The following PALM2AKAP2 variants were observed in gnomAD, a reference collection of about 807,000 sequenced individuals.
PALM2AKAP2 encodes PALM2 and AKAP2 fusion.
A neutral mutation model predicts 71.5 loss-of-function variants in PALM2AKAP2; 37 were observed. That is an observed-to-expected ratio of 0.52 (90% confidence interval 0.40 to 0.68). The LOEUF is 0.68. PALM2AKAP2 is among the 30% of genes least tolerant of loss of function. The pLI, the probability that PALM2AKAP2 is intolerant of heterozygous loss-of-function variation, is 0.00. For missense variants in PALM2AKAP2, 1,224 were observed against 1,191.8 expected (o/e 1.03, Z -0.40); for synonymous variants, 468 against 478.8 (o/e 0.98, Z 0.29).
intron 3 of PALM2AKAP2, among the ~76,000 whole-genome samples, chr9:109,910,753 G>A (rs569001841): frequency 1.3e-5 from 2 of 152,070 alleles, no homozygotes; most frequent in African/African-American, 2.4e-5. Context: ...AGGGCAGAGG[G>A]ACTGAGGCTG....
chr9:109,942,832 C>A (rs139477472), intron 6 of PALM2AKAP2: 1 of 1,613,970 alleles, frequency 6.2e-7, no homozygotes, highest in Admixed American at 1.7e-5. Context: ...GTATGAGGTG[C>A]GCTCAGGAGG....
intron 1 of PALM2AKAP2, among the ~76,000 whole-genome samples, chr9:109,793,046 C>A (rs1411851605): frequency 1.3e-5 from 2 of 152,176 alleles, no homozygotes; most frequent in Non-Finnish European, 2.9e-5. Context: ...TACACTTAAT[C>A]TTAGCCAAAG....
At chr9:109,906,046 A>C (rs16914602) in intron 3 of PALM2AKAP2, among the ~76,000 whole-genome samples, 1,548 of 152,294 alleles carry the variant, frequency 0.01, 31 homozygotes, top group African/African-American at 0.035. Context: ...TTCCTCAAGA[A>C]GAGGTGCCCC....
At chr9:109,877,325 A>G (rs1431541616) in intron 2 of PALM2AKAP2, among the ~76,000 whole-genome samples, 1 of 152,156 alleles carries the variant, frequency 6.6e-6, no homozygotes, top group Non-Finnish European at 1.5e-5. Flanking sequence ...GAATTGGGCT[A>G]CAATTCCATT....
intron 1 of PALM2AKAP2, among the ~76,000 whole-genome samples, chr9:110,079,570 A>G (rs1834397379): frequency 6.6e-6 from 1 of 152,172 alleles, no homozygotes; most frequent in Admixed American, 6.5e-5. Flanking sequence ...CACAAGGAAT[A>G]GTGTGGAAAA....
chr9:110,129,082 G>A (rs561253513), intron 1 of PALM2AKAP2, among the ~76,000 whole-genome samples: 3 of 152,304 alleles, frequency 2.0e-5, no homozygotes, highest in African/African-American at 7.2e-5. Flanking sequence ...AGTGGCCAGA[G>A]GAAACAGAAC....
chr9:110,139,921 C>G (rs1835985318), intron 2 of PALM2AKAP2, among the ~76,000 whole-genome samples: 2 of 152,192 alleles, frequency 1.3e-5, no homozygotes, highest in Non-Finnish European at 2.9e-5. Context: ...TGTGTTCTCA[C>G]TGTATCCAAA....
intron 3 of PALM2AKAP2, among the ~76,000 whole-genome samples, chr9:109,909,201 T>C (rs1407453068): frequency 2.6e-5 from 4 of 152,112 alleles, no homozygotes; most frequent in Non-Finnish European, 5.9e-5. Context: ...GATGAAATTG[T>C]ATATTTGGGG....
At chr9:109,831,800 A>G (rs1828307690) in intron 1 of PALM2AKAP2, among the ~76,000 whole-genome samples, 1 of 152,310 alleles carries the variant, frequency 6.6e-6, no homozygotes, top group East Asian at 1.9e-4. Flanking sequence ...ATGGAACTCT[A>G]TCTTTCTGAT....
chr9:109,881,158 A>T (rs562562250), intron 3 of PALM2AKAP2, among the ~76,000 whole-genome samples: 10 of 152,250 alleles, frequency 6.6e-5, no homozygotes, highest in Admixed American at 6.5e-4. Flanking sequence ...TTCCTGTGTT[A>T]GTTTGGTAAG....
At chr9:110,091,282 A>AT (rs1394886235) in intron 1 of PALM2AKAP2, among the ~76,000 whole-genome samples, 5 of 151,968 alleles carry the variant, frequency 3.3e-5, no homozygotes, top group Admixed American at 6.6e-5. Flanking sequence ...GTCAATAAAG[A>AT]TTTTTTTAAA....
intron 1 of PALM2AKAP2, among the ~76,000 whole-genome samples, chr9:109,695,290 G>C (rs559733097): frequency 6.6e-6 from 1 of 152,304 alleles, no homozygotes; most frequent in Non-Finnish European, 1.5e-5. Flanking sequence ...TTCTATAACT[G>C]ATTTCGTTTC....
intron 1 of PALM2AKAP2, among the ~76,000 whole-genome samples, chr9:109,772,581 T>C (rs1829285493): frequency 6.6e-6 from 1 of 152,224 alleles, no homozygotes; most frequent in Admixed American, 6.5e-5. Context: ...TCTGCGTGTA[T>C]TTAAGCTAAT....
chr9:110,105,826 G>T (rs1835106286), intron 1 of PALM2AKAP2, among the ~76,000 whole-genome samples: 1 of 152,122 alleles, frequency 6.6e-6, no homozygotes, highest in Non-Finnish European at 1.5e-5. Context: ...AGCTCCCTCA[G>T]CTAGTTAATT....
In PALM2AKAP2 at chr9:109,649,317, A is replaced by C. The variant is rs1827194560; in HGVS notation, c.5+8451A>C. ...TTACCCATTGCTCTCCATAACTATT[A>C]ATTCTGAATTTTTCTCATTTTTTTC... On this transcript the variant is annotated intron_variant, in intron 1 of 6. Transcript: ENST00000374531. 1.3e-5 allele frequency among the ~76,000 whole-genome samples: 2 copies of C among 152,014 alleles called. 1 individual carries two copies.
intron 1 of PALM2AKAP2, among the ~76,000 whole-genome samples, chr9:109,746,084 A>G (rs1238170180): frequency 6.6e-6 from 1 of 152,180 alleles, no homozygotes; most frequent in African/African-American, 2.4e-5. Flanking sequence ...CCCGGGAGGA[A>G]CACTTCAGAC....
chr9:110,150,867 A>C (rs1786976793), intron 2 of PALM2AKAP2, among the ~76,000 whole-genome samples: 1 of 152,188 alleles, frequency 6.6e-6, no homozygotes. Flanking sequence ...TTTTTCTCTT[A>C]ATATAGTTTG....
At chr9:109,841,796 G>T (rs1828694142) in intron 1 of PALM2AKAP2, among the ~76,000 whole-genome samples, 1 of 45,004 alleles carries the variant, frequency 2.2e-5, no homozygotes, top group African/African-American at 1.0e-4. Context: ...GGGTGGAAGG[G>T]AGGGTGGAGG....
At chr9:109,969,113 C>CACACACACACACACACACACA (rs56263304) in intron 6 of PALM2AKAP2, among the ~76,000 whole-genome samples, 1 of 151,702 alleles carries the variant, frequency 6.6e-6, no homozygotes, top group Non-Finnish European at 1.5e-5. Context: ...CACACACACA[C>CACACACACACACACACACACA]GACTCCCAGA....
Sources: allele counts gnomAD v4.1 joint callset (sites outside exome capture counted in the v4.1 genomes callset), GRCh38; gene constraint gnomAD v4.1.1; transcripts MANE v1.5; gene names NCBI Gene and HGNC (gene_info 2026-07-23, HGNC 2026-07-21).